The following FOXRED1 variants were observed in gnomAD, a reference collection of about 807,000 sequenced individuals.
The protein encoded by FOXRED1 is FAD dependent oxidoreductase domain containing 1.
In FOXRED1, 52 loss-of-function variants were observed where a neutral mutation model predicts 57.8. That is an observed-to-expected ratio of 0.90 (90% confidence interval 0.72 to 1.13). FOXRED1 has a LOEUF of 1.13. FOXRED1 is among the 50% of genes most tolerant of loss of function. The pLI is 0.00. For missense variants in FOXRED1, 589 were observed against 625.2 expected (o/e 0.94, Z 0.62); for synonymous variants, 271 against 248.3 (o/e 1.09, Z -0.86).
At position 126,275,682 on chromosome 11, in the gene FOXRED1, C is replaced by G; in HGVS notation, c.734-112C>G. 1.2e-6 allele frequency: 1 copy of G among 801,576 alleles called. No individual in the cohort carries two copies. Among genetic ancestry groups the G allele is most frequent in the Non-Finnish European group, 2.1e-6 (1 of 468,232 alleles). 49.7% of individuals were successfully genotyped at this position (801,576 alleles called of 1,614,324 possible). ...CCCTCATCTCTGTTTGCTTCAGTGT[C>G]TGTGGGAAAGCTCCCATCCTTCCAG... On this transcript the variant is annotated intron_variant, in intron 6 of 10. Transcript: ENST00000263578. The surrounding 1 kb of genome is among the most constrained non-coding windows in gnomAD (Gnocchi z 5.9).
In FOXRED1 at chr11:126,272,587, G is replaced by A. The variant is rs1007988410; in HGVS notation, c.307-382G>A. ...GATTACAGGCATGAGCCACCCACCC[G>A]GCTGGTTTTTACACTTTAGGTGTTC... is the stretch of plus-strand genomic sequence containing the variant. On this transcript the variant is annotated intron_variant, in intron 2 of 10. Coordinates refer to ENST00000263578, the MANE Select transcript of FOXRED1 (RefSeq NM_017547.4). This position sits in a 1 kb window ranked among gnomAD's most constrained non-coding sequence, Gnocchi z 4.6. The A allele has an allele frequency of 2.4e-4, 75 of 310,514 alleles. No homozygotes were observed. The highest frequency in any genetic ancestry group is 4.2e-4 in the Non-Finnish European group (68 of 160,482). The allele number at this position is 310,514 out of a possible 1,614,324, so 19.2% of individuals were successfully genotyped here.
chr11:126,271,394 G>A lies in FOXRED1; in HGVS notation c.86-43G>A, dbSNP rs1950981171. 1 of 1,438,942 alleles carries A rather than the reference G, an allele frequency of 6.9e-7. No individual in the cohort carries two copies. The highest frequency in any genetic ancestry group is 9.8e-7 in the Non-Finnish European group (1 of 1,020,398). 89.1% of individuals were successfully genotyped at this position (1,438,942 alleles called of 1,614,324 possible). On this transcript the variant is annotated intron_variant, in intron 1 of 10. Transcript: ENST00000263578. The surrounding 1 kb of genome is among the most constrained non-coding windows in gnomAD (Gnocchi z 5.3). ...CATCCTCCAACCCCCCAACCATGTG[G>A]GAAGGAAATGTTTGGCCCTCTGACC...
rs903523537 is a variant in FOXRED1 at position 126,275,575 on chromosome 11, G to A, written c.733+147G>A. On this transcript the variant is annotated intron_variant, in intron 6 of 10. Transcript: ENST00000263578. The surrounding 1 kb of genome is among the most constrained non-coding windows in gnomAD (Gnocchi z 5.9). ...GGCATCTTGACCTGGGCTCCTCACT[G>A]ATCTGCGTTGTGACTTGTGATCTGC... The A allele has an allele frequency of 2.7e-6, 2 of 738,522 alleles. No homozygotes were observed. The highest frequency in any genetic ancestry group is 1.7e-5 in the African/African-American group (1 of 57,668). The allele number at this position is 738,522 out of a possible 1,614,324, so 45.7% of individuals were successfully genotyped here.
chr11:126,274,785 A>G lies in FOXRED1; in HGVS notation c.537-142A>G, dbSNP rs1237124477. The G allele has an allele frequency of 1.5e-5, 11 of 728,104 alleles. No individual in the cohort carries two copies. The highest frequency in any genetic ancestry group is 7.8e-5 in the Admixed American group (4 of 51,562). The allele number at this position is 728,104 out of a possible 1,614,324, so 45.1% of individuals were successfully genotyped here. A position where few individuals can be genotyped will look rare whatever the true frequency, so the allele number is the denominator to read the frequency against. On this transcript the variant is annotated intron_variant, in intron 4 of 10. Transcript: ENST00000263578. This position sits in a 1 kb window ranked among gnomAD's most constrained non-coding sequence, Gnocchi z 4.8. The stretch of plus-strand genomic sequence containing the variant: ...AGGCTTGGTCTTCAGCCGCTCAGCA[A>G]TGAGGAAAAATAGGGGCATTTGGGG...
rs942654989 is a variant in FOXRED1, at chr11:126,272,085, C to G, written c.306+428C>G. 3.3e-5 allele frequency among the ~76,000 whole-genome samples: 5 copies of G among 151,952 alleles called. No homozygotes were observed. The highest frequency in any genetic ancestry group is 2.6e-4 in the Admixed American group (4 of 15,246). On this transcript the variant is annotated intron_variant, in intron 2 of 10. Transcript: ENST00000263578. The surrounding 1 kb of genome is among the most constrained non-coding windows in gnomAD (Gnocchi z 4.6). ...CAAGTGATTATCCCACCTCCGCCCC[C>G]TGAGTAGCTGAGATTACAGGGACAC...
chr11:126,275,194 C>G lies in FOXRED1; in HGVS notation c.632-133C>G. On this transcript the variant is annotated intron_variant, in intron 5 of 10. Coordinates refer to ENST00000263578, the MANE Select transcript of FOXRED1 (RefSeq NM_017547.4). This position sits in a 1 kb window ranked among gnomAD's most constrained non-coding sequence, Gnocchi z 5.9. ...TTCTCTGTCCTTCATCAGGCTTTGT[C>G]TCTGTGGTTCAGTTGGTTAAGATGA... 1 of 828,682 alleles carries G rather than the reference C, an allele frequency of 1.2e-6. No individual in the cohort carries two copies. Among genetic ancestry groups the G allele is most frequent in the Non-Finnish European group, 2.1e-6 (1 of 484,540 alleles). 51.3% of individuals were successfully genotyped at this position (828,682 alleles called of 1,614,324 possible). A position where few individuals can be genotyped will look rare whatever the true frequency, so the allele number is the denominator to read the frequency against.
rs1951117500 is a variant in FOXRED1, at chr11:126,275,967, T to C, written c.811-92T>C. ...GTTTTCTTTGACCCACTTTCCAGTA[T>C]GGGTAAACTAAGGCTCAGGAAGCAG... On this transcript the variant is annotated intron_variant, in intron 7 of 10. Transcript: ENST00000263578. This position sits in a 1 kb window ranked among gnomAD's most constrained non-coding sequence, Gnocchi z 5.9. The C allele has an allele frequency of 4.4e-6, 7 of 1,580,522 alleles. 1 individual carries two copies. Among genetic ancestry groups the C allele is most frequent in the Non-Finnish European group, 6.1e-6 (7 of 1,150,098 alleles).
At position 126,271,464 on chromosome 11, in the gene FOXRED1, A is replaced by G; in HGVS notation, c.113A>G (p.Lys38Arg). 6.2e-7 allele frequency: 1 copy of G among 1,613,986 alleles called. No homozygotes were observed. The highest frequency in any genetic ancestry group is 8.5e-7 in the Non-Finnish European group (1 of 1,179,840). Residue 38 changes from lysine (K) to arginine (R), a missense_variant, in exon 2 of 11, where the codon AAG becomes AGG. Lys to Arg is a conservative substitution (Grantham distance 26). Transcript: ENST00000263578. This position sits in a 1 kb window ranked among gnomAD's most constrained non-coding sequence, Gnocchi z 5.3. ...TGGGATGGAAAGGTGTCTGAGATTA[A>G]GAAGAAGATCAAGTCGATCCTGCCT... ...LDWDGKVSEIKKKIKSILPGR... is the reference protein window; with the variant it reads ...LDWDGKVSEIRKKIKSILPGR...
rs746609914 is a variant in FOXRED1, at chr11:126,269,276, G to C, written c.70G>C (p.Gly24Arg). The C allele has an allele frequency of 1.8e-5, 29 of 1,614,246 alleles. No individual in the cohort carries two copies. In the East Asian group the frequency reaches 5.1e-4, roughly 29 times the overall value. Reference protein sequence around the residue: ...LLTRRPGTRRGGFSLDWDGKV... With the variant: ...LLTRRPGTRRRGFSLDWDGKV... ...GACCCGGAGGCCAGGCACGCGCAGA[G>C]GAGGCTTTTCTCTGGGTAAAGTTGA... The change falls in exon 1 of 11, where the codon GGA (glycine) becomes CGA (arginine). Residue 24 changes from glycine to arginine, a missense_variant. By Grantham distance (125) the Gly-to-Arg change is moderately radical. Transcript: ENST00000263578.
chr11:126,269,330 T>A, intron 1 of FOXRED1, 39 bp downstream of exon 1: 1 of 1,613,964 alleles, frequency 6.2e-7, no homozygotes, highest in Non-Finnish European at 8.5e-7. Flanking sequence ...TGGTTCTGGG[T>A]TGTCCCCAAC....
rs561729808 is a variant in FOXRED1, at chr11:126,271,289, G to T, written c.86-148G>T. 6 of 699,018 alleles carry T rather than the reference G, an allele frequency of 8.6e-6. No homozygotes were observed. The highest frequency in any genetic ancestry group is 1.6e-5 in the Non-Finnish European group (6 of 383,002). The allele number at this position is 699,018 out of a possible 1,614,324, so 43.3% of individuals were successfully genotyped here. On this transcript the variant is annotated intron_variant, in intron 1 of 10. Transcript: ENST00000263578. The surrounding 1 kb of genome is among the most constrained non-coding windows in gnomAD (Gnocchi z 5.3). ...CAGAAAACTGTGGCAACACTGTTGG[G>T]TGCAAGGTGACCTTATGAGATGGGC...
chr11:126,277,876 G>A lies in FOXRED1; in HGVS notation c.*187G>A, dbSNP rs753847512. 22 of 712,598 alleles carry A rather than the reference G, an allele frequency of 3.1e-5. No homozygotes were observed. Among genetic ancestry groups the A allele is most frequent in the South Asian group, 1.9e-4 (13 of 67,574 alleles). 44.1% of individuals were successfully genotyped at this position (712,598 alleles called of 1,614,324 possible). On this transcript the variant is annotated 3_prime_UTR_variant, in exon 11 of 11. Transcript: ENST00000263578. The surrounding 1 kb of genome is among the most constrained non-coding windows in gnomAD (Gnocchi z 6.8). Reference sequence around the variant, plus strand: ...AGGCAGTGAGGCCGAGGCCAATAGCGAGTGATGAGCGGGATCCTAGGACTG... The same window carrying A: ...AGGCAGTGAGGCCGAGGCCAATAGCAAGTGATGAGCGGGATCCTAGGACTG...
chr11:126,276,115 C>T lies in FOXRED1; in HGVS notation c.867C>T (p.Asn289=), dbSNP rs200551914. The T allele has an allele frequency of 1.8e-5, 29 of 1,612,730 alleles. No individual in the cohort carries two copies. Among genetic ancestry groups the T allele is most frequent in the East Asian group, 6.7e-5 (3 of 44,796 alleles). The change falls in exon 8 of 11, where the codon AAC becomes AAT. Residue 289 remains asparagine, a synonymous_variant. Transcript: ENST00000263578. ...YQPVECAIVI[N]AAGAWSAQIA... ...CTGTGGAATGCGCCATTGTGATCAA[C>T]GCAGCCGGAGCCTGGTCTGCGCAAA...
At position 126,273,593 on chromosome 11, in the gene FOXRED1, T is replaced by C; in HGVS notation, c.536+139T>C. On this transcript the variant is annotated intron_variant, in intron 4 of 10. Transcript: ENST00000263578. The surrounding 1 kb of genome is among the most constrained non-coding windows in gnomAD (Gnocchi z 5.9). The stretch of plus-strand genomic sequence containing the variant: ...GGACCTCAGTGTGTCAGGAAGAAAA[T>C]ACACAGACCTGCAATGCCCTGGGAG... 1.4e-6 allele frequency: 1 copy of C among 714,642 alleles called. No homozygotes were observed. The highest frequency in any genetic ancestry group is 2.6e-6 in the Non-Finnish European group (1 of 390,418). 44.3% of individuals were successfully genotyped at this position (714,642 alleles called of 1,614,324 possible). A position where few individuals can be genotyped will look rare whatever the true frequency, so the allele number is the denominator to read the frequency against.
At chr11:126,270,524 A>G (rs1183441075) in intron 1 of FOXRED1, among the ~76,000 whole-genome samples, 1 of 152,210 alleles carries the variant, frequency 6.6e-6, no homozygotes. Context: ...TTCCCAAGCA[A>G]GGAATTAACT....
At position 126,276,503 on chromosome 11, in the gene FOXRED1, G is replaced by A. The variant is rs952100156; in HGVS notation, c.1081G>A (p.Gly361Ser). The A allele has an allele frequency of 9.3e-6, 15 of 1,607,894 alleles. No individual in the cohort carries two copies. Among genetic ancestry groups the A allele is most frequent in the Admixed American group, 1.7e-5 (1 of 59,792 alleles). ...GGAAGGATTAGGTAGCAACTACCTA[G>A]GTGGTCGTAGCCCCACTGAGGTAAG... ...RREGLGSNYL[G>S]GRSPTEQEEP... is the part of the protein sequence containing the mutation. Residue 361 changes from glycine to serine, a missense_variant, in exon 9 of 11, where the codon GGT (glycine) becomes AGT (serine). Coordinates refer to ENST00000263578, the MANE Select transcript of FOXRED1 (RefSeq NM_017547.4).
chr11:126,272,908 A>G lies in FOXRED1; in HGVS notation c.307-61A>G. 2 of 850,600 alleles carry G rather than the reference A, an allele frequency of 2.4e-6. No homozygotes were observed. The highest frequency in any genetic ancestry group is 4.1e-6 in the Non-Finnish European group (2 of 482,208). The allele number at this position is 850,600 out of a possible 1,614,324, so 52.7% of individuals were successfully genotyped here. A position where few individuals can be genotyped will look rare whatever the true frequency, so the allele number is the denominator to read the frequency against. On this transcript the variant is annotated intron_variant, in intron 2 of 10. Transcript: ENST00000263578. This position sits in a 1 kb window ranked among gnomAD's most constrained non-coding sequence, Gnocchi z 4.6. Reference sequence around the variant, plus strand: ...GTGTATAGCTCGAAGCTTTCATTGCAGTATTCTAGTCACATGTGATAGGGT... The same window carrying G: ...GTGTATAGCTCGAAGCTTTCATTGCGGTATTCTAGTCACATGTGATAGGGT...
Position 126,277,473 on chromosome 11 carries a change from C to A in FOXRED1, c.1245C>A (p.Thr415=). 1 of 1,613,468 alleles carries A rather than the reference C, an allele frequency of 6.2e-7. No individual in the cohort carries two copies. Among genetic ancestry groups the A allele is most frequent in the Non-Finnish European group, 8.5e-7 (1 of 1,180,010 alleles). ...SAWAGYYDYN[T]FDQNGVVGPH... ...GGGCCGGCTATTACGACTACAACAC[C>A]TTTGACCAGAATGGCGTGGTGGGCC... The change falls in exon 11 of 11, where the codon ACC becomes ACA. Residue 415 remains threonine, a synonymous_variant. Coordinates refer to ENST00000263578, the MANE Select transcript of FOXRED1 (RefSeq NM_017547.4). The surrounding 1 kb of genome is among the most constrained non-coding windows in gnomAD (Gnocchi z 6.8).
Position 126,271,227 on chromosome 11 carries a change from C to G in FOXRED1, c.86-210C>G, listed in dbSNP as rs868228986. ...GGAAATTGAATCTTGCAGTGCTTGG[C>G]ACAATGCATGAAGAGACTGATGGCA... On this transcript the variant is annotated intron_variant, in intron 1 of 10. Transcript: ENST00000263578. This position sits in a 1 kb window ranked among gnomAD's most constrained non-coding sequence, Gnocchi z 5.3. 47 of 496,724 alleles carry G rather than the reference C, an allele frequency of 9.5e-5. No individual in the cohort carries two copies. The African/African-American group carries it at 2.3e-3, about 24-fold the overall frequency. 30.8% of individuals were successfully genotyped at this position (496,724 alleles called of 1,614,324 possible).
Sources: allele counts gnomAD v4.1 joint callset (sites outside exome capture counted in the v4.1 genomes callset), GRCh38; gene constraint gnomAD v4.1.1; non-coding constraint Gnocchi (gnomAD v3.1); transcripts MANE v1.5; gene names NCBI Gene and HGNC (gene_info 2026-07-23, HGNC 2026-07-21).